Variants in COL4A4 observed in about 807,000 individuals in gnomAD.
The protein encoded by COL4A4 is collagen type IV alpha 4 chain, also known as collagen alpha-4(IV) chain.
In COL4A4, 105 loss-of-function variants were observed where a neutral mutation model predicts 192.9. That is an observed-to-expected ratio of 0.54 (90% CI 0.46 to 0.64). COL4A4 has a LOEUF of 0.64. Ranked by LOEUF, COL4A4 falls within the 30% of genes least tolerant of loss-of-function variation. COL4A4 has a pLI of 0.00. For missense variants in COL4A4, 1,967 were observed against 2,169.3 expected, an observed-to-expected ratio of 0.91 and a Z score of 1.85; for synonymous variants, 762 against 769.9, an observed-to-expected ratio of 0.99 and a Z score of 0.17.
chr2:227,141,265 C>A (rs1356418218), intron 3 of COL4A4, among the ~76,000 whole-genome samples: 1 of 152,204 alleles, frequency 6.6e-6, no homozygotes, highest in Non-Finnish European at 1.5e-5. Context: ...AACATTTATA[C>A]ATTGGCCATA....
At chr2:227,093,802 G>A (rs1314202948) in intron 20 of COL4A4, among the ~76,000 whole-genome samples, 1 of 151,826 alleles carries the variant, frequency 6.6e-6, no homozygotes, top group Non-Finnish European at 1.5e-5. Flanking sequence ...CTCTCCCTGG[G>A]CAGTGGGCAA....
chr2:227,079,113 A>G (rs1194610210), intron 24 of COL4A4, among the ~76,000 whole-genome samples: 1 of 152,090 alleles, frequency 6.6e-6, no homozygotes, highest in Non-Finnish European at 1.5e-5. Flanking sequence ...CCCTTCTTGC[A>G]CCCCACCTGA....
At chr2:227,109,995 C>T (rs1272583219) in intron 9 of COL4A4, among the ~76,000 whole-genome samples, 1 of 152,068 alleles carries the variant, frequency 6.6e-6, no homozygotes, top group Non-Finnish European at 1.5e-5. Flanking sequence ...TGTATTTATA[C>T]TTTTTAGTAT....
intron 5 of COL4A4, 55 bp downstream of exon 5, chr2:227,120,959 G>C (rs1265114196): frequency 6.2e-7 from 1 of 1,610,692 alleles, no homozygotes. Context: ...ACAAAAAATG[G>C]TGCAGTAGTG....
At chr2:227,032,939 G>T (rs1415426420) in intron 38 of COL4A4, among the ~76,000 whole-genome samples, 1 of 152,182 alleles carries the variant, frequency 6.6e-6, no homozygotes, top group Admixed American at 6.5e-5. Flanking sequence ...ACTTGTCAAA[G>T]ATTAACCTGT....
At chr2:227,041,852 A>AAGAGAGAGAG (rs1412480175) in intron 37 of COL4A4, among the ~76,000 whole-genome samples, 1 of 71,366 alleles carries the variant, frequency 1.4e-5, no homozygotes, top group Non-Finnish European at 2.8e-5. Context: ...AAGAAAGAGA[A>AAGAGAGAGAG]AGAAAGAAAG....
At chr2:227,062,427 G>T in intron 26 of COL4A4, 103 bp downstream of exon 26, 1 of 773,354 alleles carries the variant, frequency 1.3e-6, no homozygotes, top group Non-Finnish European at 2.3e-6. Flanking sequence ...CTTCAGAAAT[G>T]TCCTAACTAG....
At chr2:227,118,124 C>T (rs2124989908) in intron 7 of COL4A4, among the ~76,000 whole-genome samples, 1 of 152,074 alleles carries the variant, frequency 6.6e-6, no homozygotes, top group Admixed American at 6.6e-5. Context: ...CTTCCTGACT[C>T]CGGATCTCAG....
the COL4A4 span, among the ~76,000 whole-genome samples, chr2:226,971,697 G>T: frequency 6.6e-6 from 1 of 152,092 alleles, no homozygotes; most frequent in Admixed American, 6.6e-5. Flanking sequence ...TCAGAGAGGT[G>T]TTTTTTGCCT....
intron 25 of COL4A4, among the ~76,000 whole-genome samples, chr2:227,065,132 C>A (rs1201829129): frequency 1.3e-5 from 2 of 152,182 alleles, no homozygotes; most frequent in Non-Finnish European, 2.9e-5. Flanking sequence ...TGACAGAGGG[C>A]ACCTGGAAAA....
rs534415766 is a variant in COL4A4, at chr2:227,103,019, T to C, written c.870+125A>G. ...GAAGCTCTATAGTATTATGATAAGA[T>C]AGTGAAAAATTCTGGTAATATATAT... On this transcript the variant is annotated intron_variant, in intron 14 of 47. Coordinates refer to ENST00000396625, the MANE Select transcript of COL4A4 (RefSeq NM_000092.5). 75 of 1,050,020 alleles carry C rather than the reference T, an allele frequency of 7.1e-5. No homozygotes were observed. In the South Asian group the frequency reaches 9.9e-4, roughly 14 times the overall value. The allele number at this position is 1,050,020 out of a possible 1,614,324, so 65.0% of individuals were successfully genotyped here.
At chr2:227,104,949 C>G (rs946705580) in intron 12 of COL4A4, among the ~76,000 whole-genome samples, 2 of 151,654 alleles carry the variant, frequency 1.3e-5, no homozygotes, top group African/African-American at 2.4e-5. Flanking sequence ...CCTATTAAAA[C>G]TTTGATATAA....
At chr2:227,080,296 C>T in intron 24 of COL4A4, 147 bp downstream of exon 24, 1 of 757,990 alleles carries the variant, frequency 1.3e-6, no homozygotes, top group Non-Finnish European at 2.3e-6. Context: ...ATCATCTTTC[C>T]ATGTCAGGGT....
At chr2:227,103,417 G>A (rs115076151) in intron 13 of COL4A4, among the ~76,000 whole-genome samples, 1,891 of 152,260 alleles carry the variant, frequency 0.012, 40 homozygotes, top group African/African-American at 0.042. Flanking sequence ...AGTGGACCAC[G>A]GAACCAGGCA....
Position 227,144,581 on chromosome 2 carries a change from ATTAAT to A in COL4A4, c.72-28_72-24del, listed in dbSNP as rs748142221. The A allele has an allele frequency of 1.1e-5, 17 of 1,556,976 alleles. No homozygotes were observed. The Admixed American group carries it at 2.0e-4, about 18-fold the overall frequency. ...GACCTACAGAAAAACAAAAACGCAG[ATTAAT>A]TTAAACAGTTTCTTTTCATGTGAAA... On this transcript the variant is annotated intron_variant, in intron 2 of 47. Transcript: ENST00000396625.
At position 227,155,854 on chromosome 2, in the gene COL4A4, T is replaced by C. The variant is rs140046405; in HGVS notation, c.-102+8153A>G. ...TCAGATCTTGATGACTCCCATCATATAAGTAATTAATTAATTATGCAACTA... is the reference window on the plus strand; with the variant it reads ...TCAGATCTTGATGACTCCCATCATACAAGTAATTAATTAATTATGCAACTA... On this transcript the variant is annotated intron_variant, in intron 1 of 47. Transcript: ENST00000396625. Among the ~76,000 whole-genome samples, 744 of 152,302 alleles carry C rather than the reference T, an allele frequency of 4.9e-3. 3 individuals carry two copies. The highest frequency in any genetic ancestry group is 0.017 in the African/African-American group (710 of 41,556).
At chr2:227,023,168 C>T (rs1966347686) in intron 43 of COL4A4, among the ~76,000 whole-genome samples, 1 of 151,808 alleles carries the variant, frequency 6.6e-6, no homozygotes, top group Non-Finnish European at 1.5e-5. Flanking sequence ...AGGCTGGGCA[C>T]GGTGGCTCAC....
At chr2:227,109,475 ACG>A (rs1559647106) in intron 9 of COL4A4, 189 bp from the exon 10 acceptor site, 15 of 702,818 alleles carry the variant, frequency 2.1e-5, no homozygotes, top group Middle Eastern at 2.3e-4. Flanking sequence ...CAGTCCGGGC[ACG>A]GTGGTTCACA....
At chr2:227,139,387 G>A (rs2063043048) in intron 4 of COL4A4, among the ~76,000 whole-genome samples, 1 of 152,200 alleles carries the variant, frequency 6.6e-6, no homozygotes, top group Admixed American at 6.5e-5. Context: ...GGGAGTAATT[G>A]TAATTAGAGA....
Sources: gnomAD v4.1 joint callset for allele counts (sites outside exome capture counted in the v4.1 genomes callset) on GRCh38, gnomAD v4.1.1 for gene constraint, MANE v1.5 for transcripts, NCBI Gene and HGNC (gene_info 2026-07-23, HGNC 2026-07-21) for gene names.